TDRD3: variants seen among roughly 807,000 people sequenced by gnomAD.
TDRD3 encodes the protein tudor domain-containing protein 3.
TDRD3 carries 45 observed loss-of-function variants against 86.7 expected under a neutral mutation model. The ratio of observed to expected loss-of-function variants is 0.52; its 90% confidence interval spans 0.41 to 0.67. TDRD3 has a LOEUF of 0.67. TDRD3 is among the 30% of genes least tolerant of loss of function. The pLI is 0.00. For synonymous variants in TDRD3, 298 were observed against 301.7 expected (o/e 0.99, Z 0.13); for missense variants, 814 against 889.0 (o/e 0.92, Z 1.07).
chr13:60,479,223 A>G (rs566342737), intron 5 of TDRD3, among the ~76,000 whole-genome samples: 29 of 152,200 alleles, frequency 1.9e-4, no homozygotes, highest in African/African-American at 6.7e-4. Flanking sequence ...ATTTCAGATA[A>G]TTTTTTGATT....
At chr13:60,476,650 T>C (rs1359107623) in intron 5 of TDRD3, among the ~76,000 whole-genome samples, 1 of 152,168 alleles carries the variant, frequency 6.6e-6, no homozygotes, top group Non-Finnish European at 1.5e-5. Context: ...CTTTGGATAG[T>C]GTGACCATTT....
chr13:60,557,819 G>GCTTTTTTTTTTTTTTTTTTTTTTTTTTT (rs1491187240), intron 12 of TDRD3, among the ~76,000 whole-genome samples: 1 of 89,936 alleles, frequency 1.1e-5, no homozygotes, highest in Non-Finnish European at 2.6e-5. Context: ...TTTTTTTCCT[G>GCTTTTTTTTTTTTTTTTTTTTTTTTTTT]ATTTTTTTTT....
Position 60,403,083 on chromosome 13 carries a change from T to C in TDRD3, c.41+5678T>C, listed in dbSNP as rs566425173. On this transcript the variant is annotated intron_variant, in intron 1 of 13. Coordinates refer to ENST00000377881, the MANE Select transcript of TDRD3 (RefSeq NM_001146070.2). ...CTGTAAACTGCGAAAAATGACTGGA[T>C]GTTTTGTTAAACTGTGCAAGTGTTC... 2.6e-5 allele frequency among the ~76,000 whole-genome samples: 4 copies of C among 152,316 alleles called. No individual in the cohort carries two copies. In the East Asian group the frequency reaches 7.7e-4, roughly 29 times the overall value.
At chr13:60,555,345 T>A (rs1365137871) in intron 12 of TDRD3, among the ~76,000 whole-genome samples, 1 of 152,250 alleles carries the variant, frequency 6.6e-6, no homozygotes, top group Admixed American at 6.5e-5. Flanking sequence ...TGATTACCAT[T>A]GGAATGCTTA....
At chr13:60,500,657 A>G (rs1956811698) in intron 8 of TDRD3, among the ~76,000 whole-genome samples, 1 of 152,222 alleles carries the variant, frequency 6.6e-6, no homozygotes, top group African/African-American at 2.4e-5. Context: ...ATGTGCGATT[A>G]TATACTGATT....
chr13:60,493,037 G>A (rs61474250), intron 7 of TDRD3, among the ~76,000 whole-genome samples: 26,206 of 148,562 alleles, frequency 0.18, 3,158 homozygotes, highest in East Asian at 0.48. Context: ...TCCTGCCTCA[G>A]CCTCCCAAGT....
At chr13:60,404,311 C>CTTT (rs750395505) in intron 1 of TDRD3, among the ~76,000 whole-genome samples, 1 of 135,480 alleles carries the variant, frequency 7.4e-6, no homozygotes, top group African/African-American at 2.7e-5. Context: ...GGTTTGTTTG[C>CTTT]TTTTTTTTTT....
intron 1 of TDRD3, among the ~76,000 whole-genome samples, chr13:60,407,993 C>T (rs770670113): frequency 4.6e-5 from 7 of 152,206 alleles, no homozygotes; most frequent in Middle Eastern, 6.8e-3. Context: ...CAGGGGTTTC[C>T]GCTTTTGTTT....
chr13:60,432,993 A>ACCTG (rs937831892), intron 1 of TDRD3, among the ~76,000 whole-genome samples: 2 of 152,188 alleles, frequency 1.3e-5, no homozygotes, highest in Non-Finnish European at 2.9e-5. Flanking sequence ...GGGGCAATTA[A>ACCTG]GAACACCATG....
At chr13:60,453,905 T>G (rs1467821035) in intron 3 of TDRD3, among the ~76,000 whole-genome samples, 2 of 152,200 alleles carry the variant, frequency 1.3e-5, no homozygotes, top group Non-Finnish European at 2.9e-5. Flanking sequence ...TCATTAGTTT[T>G]TTTTGTTTTT....
chr13:60,569,943 A>G (rs1958546000), intron 13 of TDRD3, among the ~76,000 whole-genome samples: 2 of 152,214 alleles, frequency 1.3e-5, no homozygotes, highest in African/African-American at 4.8e-5. Flanking sequence ...TAAGTCTAAG[A>G]CTTGAAACTA....
At chr13:60,497,132 C>T (rs111697700) in intron 8 of TDRD3, among the ~76,000 whole-genome samples, 28 of 152,256 alleles carry the variant, frequency 1.8e-4, no homozygotes, top group East Asian at 5.8e-4. Context: ...CTGCTGGATC[C>T]GGAAGGGTGG....
At chr13:60,444,206 A>G (rs554607325) in intron 2 of TDRD3, among the ~76,000 whole-genome samples, 1 of 151,898 alleles carries the variant, frequency 6.6e-6, no homozygotes, top group African/African-American at 2.4e-5. Context: ...GTGGTATTGT[A>G]TCCTGGGATA....
At chr13:60,470,565 T>C (rs1956054674) in intron 5 of TDRD3, among the ~76,000 whole-genome samples, 2 of 150,896 alleles carry the variant, frequency 1.3e-5, no homozygotes, top group Non-Finnish European at 2.9e-5. Context: ...CTAACATGGG[T>C]AAAATAGAAT....
chr13:60,555,787 T>A (rs1298269510), intron 12 of TDRD3, among the ~76,000 whole-genome samples: 1 of 151,938 alleles, frequency 6.6e-6, no homozygotes, highest in Non-Finnish European at 1.5e-5. Flanking sequence ...AGGTATCAGC[T>A]GGTACTTTTC....
chr13:60,429,824 C>T (rs1442306161), intron 1 of TDRD3, among the ~76,000 whole-genome samples: 1 of 77,846 alleles, frequency 1.3e-5, no homozygotes, highest in East Asian at 3.7e-4. Flanking sequence ...CTTTCTTTCT[C>T]ATTAGAGAAA....
intron 5 of TDRD3, among the ~76,000 whole-genome samples, chr13:60,467,670 T>C (rs189941427): frequency 6.6e-6 from 1 of 152,316 alleles, no homozygotes; most frequent in Non-Finnish European, 1.5e-5. Flanking sequence ...TTGTGTATAA[T>C]TCTTTCTGCA....
chr13:60,492,921 T>TC (rs1287460808), intron 7 of TDRD3, among the ~76,000 whole-genome samples: 9 of 144,568 alleles, frequency 6.2e-5, no homozygotes, highest in East Asian at 4.1e-4. Context: ...TCTTTTCTTT[T>TC]TTTTTTTTTT....
intron 4 of TDRD3, among the ~76,000 whole-genome samples, chr13:60,463,113 G>A (rs1955837019): frequency 1.3e-5 from 2 of 152,112 alleles, no homozygotes; most frequent in South Asian, 4.1e-4. Context: ...CAACCTAAAT[G>A]TGGCTGGGCA....
Sources: gnomAD v4.1 joint callset for allele counts (sites outside exome capture counted in the v4.1 genomes callset) on GRCh38, gnomAD v4.1.1 for gene constraint, MANE v1.5 for transcripts, NCBI Gene and HGNC (gene_info 2026-07-23, HGNC 2026-07-21) for gene names.